HPF1: variants seen among roughly 807,000 people sequenced by gnomAD.
HPF1 encodes the protein histone PARylation factor 1, also known as UPF0609 protein C4orf27.
HPF1 carries 35 observed loss-of-function variants against 38.8 expected under a neutral mutation model. The observed-to-expected ratio is 0.90, with a 90% CI of 0.69 to 1.19. The LOEUF is 1.19. Among genes scored for constraint, HPF1 ranks in the 50% most tolerant of loss-of-function variants. The probability of loss-of-function intolerance (pLI) is 0.00; values close to 1 mark genes in which losing one functional copy is unlikely to be tolerated. For missense variants in HPF1, 367 were observed against 405.8 expected (o/e 0.90, Z 0.82); for synonymous variants, 115 against 139.2 (o/e 0.83, Z 1.22).
intron 7 of HPF1, 59 bp from the exon 8 acceptor site, chr4:169,729,768 A>G (rs1235431517): frequency 4.9e-6 from 6 of 1,213,262 alleles, no homozygotes; most frequent in Non-Finnish European, 5.4e-6. Flanking sequence ...AATAAGTAGC[A>G]GAAAATATAT....
chr4:169,748,844 T>G lies in HPF1; in HGVS notation c.399-2A>C. ...ACAGGAAATTCATCAGGAGAATCCC[T>G]GTGTAAGCAAAAGACATTAAAAATT... On this transcript the variant is annotated splice_acceptor_variant, in intron 3 of 7. Coordinates refer to ENST00000393381, the MANE Select transcript of HPF1 (RefSeq NM_017867.3). LOFTEE classifies it high-confidence loss of function. 7.2e-7 allele frequency: 1 copy of G among 1,391,722 alleles called. No homozygotes were observed. Among genetic ancestry groups the G allele is most frequent in the Non-Finnish European group, 9.9e-7 (1 of 1,014,786 alleles). 86.2% of individuals were successfully genotyped at this position (1,391,722 alleles called of 1,614,324 possible).
chr4:169,755,871 T>C (rs1284607004), intron 1 of HPF1, among the ~76,000 whole-genome samples: 1 of 151,812 alleles, frequency 6.6e-6, no homozygotes, highest in Non-Finnish European at 1.5e-5. Flanking sequence ...GTAGAGCTAT[T>C]GTCTGTTTCA....
chr4:169,748,266 A>AT (rs1303948858), intron 4 of HPF1, among the ~76,000 whole-genome samples: 1 of 152,104 alleles, frequency 6.6e-6, no homozygotes, highest in Non-Finnish European at 1.5e-5. Context: ...TAAGAGGTGT[A>AT]TTTTTTTGGT....
At chr4:169,739,381 G>A (rs1733937163) in intron 5 of HPF1, among the ~76,000 whole-genome samples, 1 of 151,548 alleles carries the variant, frequency 6.6e-6, no homozygotes, top group African/African-American at 2.4e-5. Flanking sequence ...GTAAGAAAAA[G>A]ACTAATTCTA....
At chr4:169,737,553 C>A in intron 6 of HPF1, 107 bp downstream of exon 6, 1 of 755,366 alleles carries the variant, frequency 1.3e-6, no homozygotes, top group East Asian at 2.5e-5. Flanking sequence ...TAAGGTCTAG[C>A]GACTGTGTCA....
At chr4:169,754,151 T>G (rs1230451936) in intron 1 of HPF1, among the ~76,000 whole-genome samples, 2 of 152,362 alleles carry the variant, frequency 1.3e-5, no homozygotes, top group East Asian at 3.9e-4. Flanking sequence ...GGGCAGATTT[T>G]GCCCTCTTTT....
In HPF1 at chr4:169,753,578, C is replaced by A. The variant is rs1035561610; in HGVS notation, c.208+98G>T. ...CTCCTGGCCTCAGGCAATCCTCCTG[C>A]CTCAGCTGGGATTACAGAGTGTGAG... On this transcript the variant is annotated intron_variant, in intron 2 of 7. Coordinates refer to ENST00000393381, the MANE Select transcript of HPF1 (RefSeq NM_017867.3). 6 of 1,002,716 alleles carry A rather than the reference C, an allele frequency of 6.0e-6. No homozygotes were observed. In the African/African-American group the frequency reaches 9.9e-5, roughly 17 times the overall value. 62.1% of individuals were successfully genotyped at this position (1,002,716 alleles called of 1,614,324 possible).
At chr4:169,740,552 GA>G (rs1393669490) in intron 5 of HPF1, among the ~76,000 whole-genome samples, 2 of 152,140 alleles carry the variant, frequency 1.3e-5, no homozygotes, top group African/African-American at 4.8e-5. Flanking sequence ...AGAAAAATAT[GA>G]ATTCAATGAA....
At chr4:169,732,768 TACTC>T (rs1302019956) in intron 6 of HPF1, among the ~76,000 whole-genome samples, 2 of 152,160 alleles carry the variant, frequency 1.3e-5, no homozygotes, top group Non-Finnish European at 1.5e-5. Flanking sequence ...CGGATTGAAA[TACTC>T]AGGAAAAAAA....
In HPF1 at chr4:169,732,472, G is replaced by A. The variant is rs72696676; in HGVS notation, c.737-596C>T. ...GATTTTTTTAAAAAGTCTATTCCATGGTGGTCATCATGCATTTACATAAGC... is the reference window on the plus strand; with the variant it reads ...GATTTTTTTAAAAAGTCTATTCCATAGTGGTCATCATGCATTTACATAAGC... On this transcript the variant is annotated intron_variant, in intron 6 of 7. Transcript: ENST00000393381. Among the ~76,000 whole-genome samples, 705 of 152,224 alleles carry A rather than the reference G, an allele frequency of 4.6e-3. 7 individuals carry two copies. The highest frequency in any genetic ancestry group is 0.033 in the South Asian group (160 of 4,824).
chr4:169,737,205 G>T (rs372788907), intron 6 of HPF1, among the ~76,000 whole-genome samples: 8 of 148,076 alleles, frequency 5.4e-5, no homozygotes, highest in African/African-American at 2.0e-4. Context: ...CAGGAGAATC[G>T]CTTGAACCTG....
chr4:169,757,571 AC>A (rs112456416), intron 1 of HPF1, among the ~76,000 whole-genome samples: 3,365 of 152,272 alleles, frequency 0.022, 76 homozygotes, highest in African/African-American at 0.056. Flanking sequence ...GGGCGAATGA[AC>A]CATTGGTTGG....
chr4:169,757,315 T>C (rs1734200366), intron 1 of HPF1, among the ~76,000 whole-genome samples: 1 of 152,214 alleles, frequency 6.6e-6, no homozygotes. Flanking sequence ...TTCAAAGAGT[T>C]GTCTTAAAAG....
At chr4:169,752,771 C>A (rs1341199801) in intron 2 of HPF1, among the ~76,000 whole-genome samples, 2 of 151,994 alleles carry the variant, frequency 1.3e-5, no homozygotes, top group African/African-American at 4.8e-5. Context: ...AGTAAATATC[C>A]TCAAACATAA....
At chr4:169,733,424 GA>G (rs1030274018) in intron 6 of HPF1, among the ~76,000 whole-genome samples, 2 of 152,116 alleles carry the variant, frequency 1.3e-5, no homozygotes, top group African/African-American at 4.8e-5. Flanking sequence ...GAAAAGAATG[GA>G]TATTATTCAA....
intron 5 of HPF1, among the ~76,000 whole-genome samples, chr4:169,739,650 T>C (rs1288044733): frequency 4.6e-5 from 7 of 152,066 alleles, no homozygotes; most frequent in African/African-American, 1.4e-4. Context: ...GAATTTCTTC[T>C]AAAAAAATAA....
At chr4:169,756,840 T>C (rs1041334689) in intron 1 of HPF1, among the ~76,000 whole-genome samples, 26 of 152,204 alleles carry the variant, frequency 1.7e-4, no homozygotes, top group Admixed American at 1.6e-3. Context: ...ACTCACACAC[T>C]AGTTCAGCAT....
chr4:169,750,746 G>A, intron 2 of HPF1, 21 bp from the exon 3 acceptor site: 1 of 1,531,928 alleles, frequency 6.5e-7, no homozygotes, highest in Non-Finnish European at 8.9e-7. Context: ...AATAAATTTA[G>A]ACAATACTTT....
Position 169,746,177 on chromosome 4 carries a change from T to C in HPF1, c.497+2567A>G, listed in dbSNP as rs192311056. Among the ~76,000 whole-genome samples the C allele has an allele frequency of 2.3e-3, 354 of 152,340 alleles. 3 individuals are homozygous for C. Among genetic ancestry groups the C allele is most frequent in the Non-Finnish European group, 2.1e-3 (142 of 68,018 alleles). The stretch of plus-strand genomic sequence containing the variant: ...TCAACAAATCAATACCAAAGTATTA[T>C]AGTATATGGATAGTTTATATTTACC... On this transcript the variant is annotated intron_variant, in intron 4 of 7. Coordinates refer to ENST00000393381, the MANE Select transcript of HPF1 (RefSeq NM_017867.3).
Sources: allele counts gnomAD v4.1 joint callset (sites outside exome capture counted in the v4.1 genomes callset), GRCh38; gene constraint gnomAD v4.1.1; transcripts MANE v1.5; gene names NCBI Gene and HGNC (gene_info 2026-07-23, HGNC 2026-07-21).